Variants in RABGAP1L observed in about 807,000 individuals in gnomAD.
The protein encoded by RABGAP1L is RAB GTPase activating protein 1 like.
In RABGAP1L, 63 loss-of-function variants were observed where a neutral mutation model predicts 137.7. The observed-to-expected ratio is 0.46, with a 90% CI of 0.37 to 0.56. The LOEUF is 0.56. Ranked by LOEUF, RABGAP1L falls within the 20% of genes least tolerant of loss-of-function variation. The probability of loss-of-function intolerance (pLI) is 0.00; values close to 1 mark genes in which losing one functional copy is unlikely to be tolerated. For synonymous variants in RABGAP1L, 431 were observed against 433.7 expected (o/e 0.99, Z 0.08); for missense variants, 1,095 against 1,244.0 (o/e 0.88, Z 1.80).
intron 17 of RABGAP1L, among the ~76,000 whole-genome samples, chr1:174,709,787 C>G (rs1351426517): frequency 2.6e-5 from 4 of 152,142 alleles, no homozygotes; most frequent in Non-Finnish European, 5.9e-5. Context: ...GATCACAGCT[C>G]CTTGCCAGCA....
chr1:174,875,658 T>C lies in RABGAP1L; in HGVS notation c.2340+63698T>C, dbSNP rs578078062. On this transcript the variant is annotated intron_variant, in intron 19 of 25. Coordinates refer to ENST00000681986, the MANE Select transcript of RABGAP1L (RefSeq NM_001366446.1). ...AAATCTTCTGGTGCTGGTGAATGCA[T>C]GAAGAGGTTCACAGTATCTTTTAAA... 1.5e-4 allele frequency: 143 copies of C among 985,446 alleles called. 1 individual carries two copies. In the South Asian group the frequency reaches 6.2e-3, roughly 43 times the overall value. 61.0% of individuals were successfully genotyped at this position (985,446 alleles called of 1,614,324 possible).
chr1:174,226,789 A>G (rs187863503), intron 3 of RABGAP1L, among the ~76,000 whole-genome samples: 1 of 151,698 alleles, frequency 6.6e-6, no homozygotes, highest in Non-Finnish European at 1.5e-5. Flanking sequence ...TTTAAAAAAA[A>G]TTTTCATCTA....
At chr1:174,509,475 A>G (rs556579552) in intron 13 of RABGAP1L, among the ~76,000 whole-genome samples, 24 of 151,794 alleles carry the variant, frequency 1.6e-4, no homozygotes, top group Admixed American at 1.2e-3. Flanking sequence ...AGATTGCTGG[A>G]TTTTTTTTAT....
intron 13 of RABGAP1L, among the ~76,000 whole-genome samples, chr1:174,433,796 A>G (rs1372362375): frequency 6.6e-6 from 1 of 152,202 alleles, no homozygotes; most frequent in Admixed American, 6.5e-5. Flanking sequence ...TTCTTTTTAA[A>G]TATCATTATA....
intron 10 of RABGAP1L, among the ~76,000 whole-genome samples, chr1:174,290,819 T>C (rs931700188): frequency 6.6e-6 from 1 of 151,558 alleles, no homozygotes; most frequent in Non-Finnish European, 1.5e-5. Context: ...TGAAGTGCAA[T>C]GGCGAGATCT....
chr1:174,499,355 G>A (rs1447784517), intron 13 of RABGAP1L, among the ~76,000 whole-genome samples: 1 of 152,028 alleles, frequency 6.6e-6, no homozygotes, highest in African/African-American at 2.4e-5. Flanking sequence ...AGTGTATACC[G>A]TTCATATGAC....
chr1:174,436,038 C>G (rs1370777464), intron 13 of RABGAP1L, among the ~76,000 whole-genome samples: 3 of 152,132 alleles, frequency 2.0e-5, no homozygotes, highest in Non-Finnish European at 4.4e-5. Context: ...GCCACATTTT[C>G]TTAATCTAGT....
chr1:174,384,632 C>T (rs1307504376), intron 12 of RABGAP1L, among the ~76,000 whole-genome samples: 2 of 151,856 alleles, frequency 1.3e-5, no homozygotes, highest in Admixed American at 6.6e-5. Context: ...ATCCATTTTT[C>T]TCTCTTTATT....
chr1:174,375,392 C>A (rs536811183), intron 12 of RABGAP1L, among the ~76,000 whole-genome samples: 1 of 151,828 alleles, frequency 6.6e-6, no homozygotes, highest in South Asian at 2.1e-4. Flanking sequence ...TTGAGAAGAA[C>A]ACTTCAGAAA....
At chr1:174,651,104 T>C (rs865851908) in intron 14 of RABGAP1L, among the ~76,000 whole-genome samples, 3 of 152,172 alleles carry the variant, frequency 2.0e-5, no homozygotes, top group African/African-American at 7.2e-5. Context: ...CCAGCAGTCA[T>C]TCAGGAGCAG....
At chr1:174,833,014 G>A (rs937102433) in intron 19 of RABGAP1L, among the ~76,000 whole-genome samples, 2 of 152,040 alleles carry the variant, frequency 1.3e-5, no homozygotes, top group Non-Finnish European at 2.9e-5. Context: ...CCCTAATGAA[G>A]GCTACTTGGC....
chr1:174,247,027 AT>A (rs936513644), intron 5 of RABGAP1L, among the ~76,000 whole-genome samples: 15 of 151,732 alleles, frequency 9.9e-5, no homozygotes, highest in South Asian at 2.1e-4. Flanking sequence ...ATGGAATCTT[AT>A]TTTTTTTTCT....
chr1:174,684,117 G>T (rs1488613363), intron 15 of RABGAP1L, among the ~76,000 whole-genome samples: 2 of 152,150 alleles, frequency 1.3e-5, no homozygotes, highest in African/African-American at 4.8e-5. Context: ...ATGTAGGCAT[G>T]AACTTATAAT....
intron 10 of RABGAP1L, among the ~76,000 whole-genome samples, chr1:174,285,345 C>T (rs1675961374): frequency 6.6e-6 from 1 of 152,202 alleles, no homozygotes; most frequent in Non-Finnish European, 1.5e-5. Flanking sequence ...GTGTATGGAT[C>T]TTTCACTGCC....
At chr1:174,979,983 A>T (rs1670954606) in intron 23 of RABGAP1L, among the ~76,000 whole-genome samples, 1 of 152,228 alleles carries the variant, frequency 6.6e-6, no homozygotes, top group South Asian at 2.1e-4. Context: ...TTTTAAAAAA[A>T]TGTGTTTTTT....
chr1:174,536,384 G>T (rs1664890331), intron 13 of RABGAP1L, among the ~76,000 whole-genome samples: 1 of 151,976 alleles, frequency 6.6e-6, no homozygotes, highest in Non-Finnish European at 1.5e-5. Flanking sequence ...ATAGAAGAAG[G>T]GAGGGTTGGG....
intron 19 of RABGAP1L, chr1:174,922,016 C>T (rs1422775771): frequency 1.3e-5 from 2 of 152,226 alleles, no homozygotes; most frequent in Admixed American, 6.5e-5. Flanking sequence ...TACATTCACT[C>T]TGCCCTTCAA....
chr1:174,810,095 G>A (rs1471580954), intron 18 of RABGAP1L, among the ~76,000 whole-genome samples: 1 of 152,110 alleles, frequency 6.6e-6, no homozygotes, highest in African/African-American at 2.4e-5. Context: ...GTATGAATAT[G>A]TTCTTTTCTT....
intron 19 of RABGAP1L, chr1:174,877,595 C>A (rs200239639): frequency 1.9e-6 from 3 of 1,613,232 alleles, no homozygotes; most frequent in Non-Finnish European, 2.5e-6. Context: ...ATCAGCAAGC[C>A]CAGGTCTATG....
Sources: allele counts gnomAD v4.1 joint callset (sites outside exome capture counted in the v4.1 genomes callset), GRCh38; gene constraint gnomAD v4.1.1; transcripts MANE v1.5; gene names NCBI Gene and HGNC (gene_info 2026-07-23, HGNC 2026-07-21).